Variants in TKTL2 observed in about 807,000 individuals in gnomAD.
The protein encoded by TKTL2 is transketolase-like protein 2.
For missense variants in TKTL2, 825 were observed against 799.4 expected (o/e 1.03, Z -0.39); for synonymous variants, 259 against 294.1 (o/e 0.88, Z 1.22).
In TKTL2 at chr4:163,473,722, C is replaced by T. The variant is rs1465572480; in HGVS notation, c.13G>A (p.Asp5Asn). MMAN[D>N]AKPDVKTVQV... Reference sequence around the variant, plus strand: ...ACGGTCTTCACGTCGGGCTTGGCGTCGTTGGCCATCATCTCTCTTTTGTCG... The same window carrying T: ...ACGGTCTTCACGTCGGGCTTGGCGTTGTTGGCCATCATCTCTCTTTTGTCG... Residue 5 changes from aspartate to asparagine, a missense_variant, in exon 1 of 1, where the codon GAC (aspartate) becomes AAC (asparagine). Transcript: ENST00000280605. The T allele has an allele frequency of 1.9e-6, 3 of 1,601,514 alleles. No individual in the cohort carries two copies. Among genetic ancestry groups the T allele is most frequent in the South Asian group, 1.1e-5 (1 of 89,888 alleles).
rs748308201 is a variant in TKTL2, at chr4:163,471,608, G to A, written c.*246C>T. 48 of 309,014 alleles carry A rather than the reference G, an allele frequency of 1.6e-4. No homozygotes were observed. Among genetic ancestry groups the A allele is most frequent in the Non-Finnish European group, 2.4e-4 (41 of 171,064 alleles). 19.1% of individuals were successfully genotyped at this position (309,014 alleles called of 1,614,324 possible). ...TAGTTGTTTTATTTCCTATTCTATT[G>A]CTTACAATTTTAAAATCCACATTAA... On this transcript the variant is annotated 3_prime_UTR_variant, in exon 1 of 1. Coordinates refer to ENST00000280605, the MANE Select transcript of TKTL2 (RefSeq NM_032136.5).
In TKTL2 at chr4:163,472,324, T is replaced by C; in HGVS notation, c.1411A>G (p.Met471Val). 6.2e-7 allele frequency: 1 copy of C among 1,604,054 alleles called. No homozygotes were observed. The highest frequency in any genetic ancestry group is 8.5e-7 in the Non-Finnish European group (1 of 1,175,262). Reference protein sequence around the residue: ...AIYLAANTKGMCFIRTSQPET... With the variant: ...AIYLAANTKGVCFIRTSQPET... The stretch of plus-strand genomic sequence containing the variant: ...GGTTGGCTGGTTCGAATGAAGCACA[T>C]TCCCTTGGTATTGGCGGCTAGATAA... Residue 471 changes from methionine (M) to valine (V), a missense_variant, in exon 1 of 1, where the codon ATG (methionine) becomes GTG (valine). Physicochemically the swap from Met to Val is conservative, Grantham distance 21 (BLOSUM62 1). Transcript: ENST00000280605.
At position 163,472,333 on chromosome 4, in the gene TKTL2, T is replaced by C. The variant is rs1305268073; in HGVS notation, c.1402A>G (p.Thr468Ala). 2 of 1,600,818 alleles carry C rather than the reference T, an allele frequency of 1.2e-6. No homozygotes were observed. Among genetic ancestry groups the C allele is most frequent in the Non-Finnish European group, 1.7e-6 (2 of 1,173,686 alleles). The stretch of plus-strand genomic sequence containing the variant: ...GTTCGAATGAAGCACATTCCCTTGG[T>C]ATTGGCGGCTAGATAAATAGCATGC... The part of the protein sequence containing the change: ...TEHAIYLAAN[T>A]KGMCFIRTSQ... The change falls in exon 1 of 1, where the codon ACC becomes GCC. Residue 468 changes from threonine to alanine, a missense_variant. Transcript: ENST00000280605.
In TKTL2 at chr4:163,473,266, C is replaced by T. The variant is rs375998137; in HGVS notation, c.469G>A (p.Gly157Ser). ...CACACAGAGCCTTCTGAGGATTCGCCATCTCCCATAAGGCAGAACACCCGG... is the reference window on the plus strand; with the variant it reads ...CACACAGAGCCTTCTGAGGATTCGCTATCTCCCATAAGGCAGAACACCCGG... ...SYRVFCLMGD[G>S]ESSEGSVWEA... Residue 157 changes from glycine (G) to serine (S), a missense_variant, in exon 1 of 1, where the codon GGC (glycine) becomes AGC (serine). Transcript: ENST00000280605. The T allele has an allele frequency of 6.2e-7, 1 of 1,614,064 alleles. No individual in the cohort carries two copies. Among genetic ancestry groups the T allele is most frequent in the South Asian group, 1.1e-5 (1 of 91,078 alleles).
In TKTL2 at chr4:163,472,680, G is replaced by A; in HGVS notation, c.1055C>T (p.Ser352Phe). ...LSGDTMNSTF[S>F]EIFRKEHPER... The stretch of plus-strand genomic sequence containing the variant: ...AGGGTGTTCTTTCCTGAATATCTCA[G>A]AAAAGGTGGAGTTCATCGTGTCACC... The change falls in exon 1 of 1, where the codon TCT becomes TTT. Residue 352 changes from serine (S) to phenylalanine (F), a missense_variant. Physicochemically the swap from Ser to Phe is radical, Grantham distance 155 (BLOSUM62 -2). Coordinates refer to ENST00000280605, the MANE Select transcript of TKTL2 (RefSeq NM_032136.5). 6.2e-7 allele frequency: 1 copy of A among 1,614,132 alleles called. No homozygotes were observed. The highest frequency in any genetic ancestry group is 1.1e-5 in the South Asian group (1 of 91,078).
At position 163,473,578 on chromosome 4, in the gene TKTL2, AGAG is replaced by A. The variant is rs766688664; in HGVS notation, c.154_156del (p.Leu52del). 282 of 1,614,054 alleles carry A rather than the reference AGAG, an allele frequency of 1.7e-4. No individual in the cohort carries two copies. The highest frequency in any genetic ancestry group is 2.2e-4 in the Non-Finnish European group (259 of 1,180,038). ...TGTTTATACTTCATCGTGTGGAAGA[AGAG>A]GACAGACACGACCTCCGCTGCACTG... On this transcript the variant is annotated inframe_deletion, in exon 1 of 1. Coordinates refer to ENST00000280605, the MANE Select transcript of TKTL2 (RefSeq NM_032136.5).
rs1277821291 is a variant in TKTL2 at position 163,472,672 on chromosome 4, A to G, written c.1063T>C (p.Phe355Leu). 1 of 1,614,194 alleles carries G rather than the reference A, an allele frequency of 6.2e-7. No individual in the cohort carries two copies. Among genetic ancestry groups the G allele is most frequent in the South Asian group, 1.1e-5 (1 of 91,084 alleles). ...AAACGCTCAGGGTGTTCTTTCCTGA[A>G]TATCTCAGAAAAGGTGGAGTTCATC... ...DTMNSTFSEI[F>L]RKEHPERFIE... Residue 355 changes from phenylalanine to leucine, a missense_variant, in exon 1 of 1, where the codon TTC (phenylalanine) becomes CTC (leucine). Phe to Leu is a conservative substitution (Grantham distance 22, BLOSUM62 0). Coordinates refer to ENST00000280605, the MANE Select transcript of TKTL2 (RefSeq NM_032136.5).
At position 163,471,885 on chromosome 4, in the gene TKTL2, A is replaced by G. The variant is rs759645946; in HGVS notation, c.1850T>C (p.Ile617Thr). ...DMFGISTRHI[I>T]AAVTLTLMK ...CATTAAAGTAAGTGTTACGGCTGCT[A>G]TAATGTGTCTGGTACTGATTCCAAA... Residue 617 changes from isoleucine to threonine, a missense_variant, in exon 1 of 1, where the codon ATA (isoleucine) becomes ACA (threonine). Coordinates refer to ENST00000280605, the MANE Select transcript of TKTL2 (RefSeq NM_032136.5). The G allele has an allele frequency of 1.3e-6, 2 of 1,539,318 alleles. No individual in the cohort carries two copies. The highest frequency in any genetic ancestry group is 2.1e-5 in the Admixed American group (1 of 48,532).
At position 163,472,508 on chromosome 4, in the gene TKTL2, A is replaced by C. The variant is rs527434793; in HGVS notation, c.1227T>G (p.Ile409Met). 118 of 1,614,200 alleles carry C rather than the reference A, an allele frequency of 7.3e-5. 2 individuals are homozygous for C. In the South Asian group the frequency reaches 1.2e-3, roughly 17 times the overall value. Residue 409 changes from isoleucine to methionine, a missense_variant, in exon 1 of 1, where the codon ATT (isoleucine) becomes ATG (methionine). Transcript: ENST00000280605. ...RAFDQLRMGAISQANINLIGS... is the reference protein window; with the variant it reads ...RAFDQLRMGAMSQANINLIGS... ...CAATAAGGTTGATATTGGCTTGAGA[A>C]ATGGCTCCCATTCGGAGCTGATCGA...
At position 163,473,392 on chromosome 4, in the gene TKTL2, G is replaced by A. The variant is rs1357215350; in HGVS notation, c.343C>T (p.Arg115Ter). Reference sequence around the variant, plus strand: ...GTTGCCACGTCAACAAACGGCAATCGGGGGGTAGGGTGTCTCTCCAAGTCG... The same window carrying A: ...GTTGCCACGTCAACAAACGGCAATCAGGGGGTAGGGTGTCTCTCCAAGTCG... ...HSDLERHPTPRLPFVDVATGS... is the reference protein window; with the variant it reads ...HSDLERHPTP The change falls in exon 1 of 1, where the codon CGA becomes TGA. Residue 115 changes from arginine to a stop codon, truncating the protein, a stop_gained. Transcript: ENST00000280605. LOFTEE classifies it low-confidence loss of function (END_TRUNC). The A allele has an allele frequency of 3.1e-5, 50 of 1,613,588 alleles. No individual in the cohort carries two copies. Among genetic ancestry groups the A allele is most frequent in the Non-Finnish European group, 3.9e-5 (46 of 1,179,926 alleles).
chr4:163,472,555 C>T lies in TKTL2; in HGVS notation c.1180G>A (p.Ala394Thr), dbSNP rs779891253. Residue 394 changes from alanine to threonine, a missense_variant, in exon 1 of 1, where the codon GCT (alanine) becomes ACT (threonine). Physicochemically the swap from Ala to Thr is moderately conservative, Grantham distance 58. Transcript: ENST00000280605. ...TCGAATGCTCTAGTAAAAAAGGCAG[C>T]AAAAGCACCAGCAAAAGCAATGGTT... ...GRTIAFAGAF[A>T]AFFTRAFDQL... is the part of the protein sequence containing the mutation. 1 of 1,614,164 alleles carries T rather than the reference C, an allele frequency of 6.2e-7. No homozygotes were observed. The highest frequency in any genetic ancestry group is 8.5e-7 in the Non-Finnish European group (1 of 1,180,030).
chr4:163,472,443 G>A lies in TKTL2; in HGVS notation c.1292C>T (p.Ser431Phe), dbSNP rs1737184631. The A allele has an allele frequency of 1.9e-6, 3 of 1,614,138 alleles. No individual in the cohort carries two copies. The highest frequency in any genetic ancestry group is 2.5e-6 in the Non-Finnish European group (3 of 1,180,002). Residue 431 changes from serine to phenylalanine, a missense_variant, in exon 1 of 1, where the codon TCC becomes TTC. Coordinates refer to ENST00000280605, the MANE Select transcript of TKTL2 (RefSeq NM_032136.5). ...CGVSTGEDGV[S>F]QMALEDLAMF... The stretch of plus-strand genomic sequence containing the variant: ...GGCTAGATCCTCCAGGGCCATCTGG[G>A]AGACTCCATCTTCTCCAGTGGATAC...
rs1489893000 is a variant in TKTL2, at chr4:163,472,227, AC to A, written c.1507del (p.Val503SerfsTer7). The A allele has an allele frequency of 6.2e-7, 1 of 1,614,080 alleles. No individual in the cohort carries two copies. Among genetic ancestry groups the A allele is most frequent in the African/African-American group, 1.3e-5 (1 of 74,936 alleles). The stretch of plus-strand genomic sequence containing the variant: ...TCCAATTACTGTGACTTTATCATTG[AC>A]ACCGTGGCGGACCACCTTGGCCTGG... The part of the protein sequence containing the change: ...IGQAKVVRHG[V>X]NDKVTVIGAG... On this transcript the variant is annotated frameshift_variant, in exon 1 of 1. Coordinates refer to ENST00000280605, the MANE Select transcript of TKTL2 (RefSeq NM_032136.5). LOFTEE classifies it low-confidence loss of function (END_TRUNC).
Position 163,472,371 on chromosome 4 carries a change from G to T in TKTL2, c.1364C>A (p.Ala455Asp). Reference protein sequence around the residue: ...PNCTVFYPSDAISTEHAIYLA... With the variant: ...PNCTVFYPSDDISTEHAIYLA... ...ATAAATAGCATGCTCTGTCGAGATG[G>T]CATCACTTGGATAGAAAACAGTACA... Residue 455 changes from alanine (A) to aspartate (D), a missense_variant, in exon 1 of 1, where the codon GCC (alanine) becomes GAC (aspartate). Coordinates refer to ENST00000280605, the MANE Select transcript of TKTL2 (RefSeq NM_032136.5). The T allele has an allele frequency of 6.2e-7, 1 of 1,601,538 alleles. No individual in the cohort carries two copies. Among genetic ancestry groups the T allele is most frequent in the Non-Finnish European group, 8.5e-7 (1 of 1,173,680 alleles).
chr4:163,472,895 ACTCT>A lies in TKTL2; in HGVS notation c.836_839del (p.Glu279ValfsTer21), dbSNP rs1382589147. The stretch of plus-strand genomic sequence containing the variant: ...TGAGATTCTCATTGGTCTGTATCTG[ACTCT>A]CAATTAATTTGACAATTGCATCTGC... On this transcript the variant is annotated frameshift_variant, in exon 1 of 1. Transcript: ENST00000280605. LOFTEE classifies it low-confidence loss of function (END_TRUNC). 6.2e-7 allele frequency: 1 copy of A among 1,610,494 alleles called. No individual in the cohort carries two copies. The highest frequency in any genetic ancestry group is 2.2e-5 in the East Asian group (1 of 44,862).
Position 163,472,427 on chromosome 4 carries a change from C to A in TKTL2, c.1308G>T (p.Glu436Asp). 6.2e-7 allele frequency: 1 copy of A among 1,613,812 alleles called. No homozygotes were observed. Among genetic ancestry groups the A allele is most frequent in the South Asian group, 1.1e-5 (1 of 91,022 alleles). The change falls in exon 1 of 1, where the codon GAG (glutamate) becomes GAT (aspartate). Residue 436 changes from glutamate (E) to aspartate (D), a missense_variant. Coordinates refer to ENST00000280605, the MANE Select transcript of TKTL2 (RefSeq NM_032136.5). ...GEDGVSQMAL[E>D]DLAMFRSIPN... ...GAATGCTTCGGAACATGGCTAGATC[C>A]TCCAGGGCCATCTGGGAGACTCCAT... is the stretch of plus-strand genomic sequence containing the variant.
chr4:163,472,454 T>C lies in TKTL2; in HGVS notation c.1281A>G (p.Glu427=). The change falls in exon 1 of 1, where the codon GAA becomes GAG. Residue 427 remains glutamate (E), a synonymous_variant. Coordinates refer to ENST00000280605, the MANE Select transcript of TKTL2 (RefSeq NM_032136.5). ...IGSHCGVSTG[E]DGVSQMALED... ...CCAGGGCCATCTGGGAGACTCCATC[T>C]TCTCCAGTGGATACCCCACAGTGGG... 6.2e-7 allele frequency: 1 copy of C among 1,614,192 alleles called. No homozygotes were observed. Among genetic ancestry groups the C allele is most frequent in the Non-Finnish European group, 8.5e-7 (1 of 1,180,036 alleles).
In TKTL2 at chr4:163,473,212, T is replaced by G. The variant is rs751313786; in HGVS notation, c.523A>C (p.Asn175His). ...AAGACCGCCACGAGATTGTCCAAGT[T>G]GTAGTGGGAGGCAAAAGCAAAAGCC... ...WEAFAFASHY[N>H]LDNLVAVFDV... The change falls in exon 1 of 1, where the codon AAC (asparagine) becomes CAC (histidine). Residue 175 changes from asparagine (N) to histidine (H), a missense_variant. Coordinates refer to ENST00000280605, the MANE Select transcript of TKTL2 (RefSeq NM_032136.5). 1 of 1,613,750 alleles carries G rather than the reference T, an allele frequency of 6.2e-7. No individual in the cohort carries two copies. The highest frequency in any genetic ancestry group is 8.5e-7 in the Non-Finnish European group (1 of 1,179,966).
At position 163,471,872 on chromosome 4, in the gene TKTL2, T is replaced by C. The variant is rs1399262988; in HGVS notation, c.1863A>G (p.Thr621=). The C allele has an allele frequency of 5.9e-6, 9 of 1,523,994 alleles. No homozygotes were observed. In the Admixed American group the frequency reaches 6.5e-5, roughly 11 times the overall value. The allele number at this position is 1,523,994 out of a possible 1,614,324, so 94.4% of individuals were successfully genotyped here. A position where few individuals can be genotyped will look rare whatever the true frequency, so the allele number is the denominator to read the frequency against. Residue 621 remains threonine, a synonymous_variant, in exon 1 of 1, where the codon ACA becomes ACG. Coordinates refer to ENST00000280605, the MANE Select transcript of TKTL2 (RefSeq NM_032136.5). Reference sequence around the variant, plus strand: ...GCCTAGTTTACTTCATTAAAGTAAGTGTTACGGCTGCTATAATGTGTCTGG... The same window carrying C: ...GCCTAGTTTACTTCATTAAAGTAAGCGTTACGGCTGCTATAATGTGTCTGG... ...ISTRHIIAAV[T]LTLMK
Sources: gnomAD v4.1 joint callset for allele counts on GRCh38, gnomAD v4.1.1 for gene constraint, MANE v1.5 for transcripts, NCBI Gene and HGNC (gene_info 2026-07-23, HGNC 2026-07-21) for gene names.